Variants in SYNPO2 observed in about 807,000 individuals in gnomAD.
SYNPO2 encodes synaptopodin 2.
A neutral mutation model predicts 85.0 loss-of-function variants in SYNPO2; 56 were observed. The observed-to-expected ratio is 0.66, with a 90% confidence interval of 0.53 to 0.82. The LOEUF (loss-of-function observed/expected upper bound fraction) is 0.82, where lower values mean the gene tolerates loss of function less well. Among genes scored for constraint, SYNPO2 ranks in the 40% least tolerant of loss-of-function variants. The pLI is 0.00. For missense variants in SYNPO2, 1,575 were observed against 1,534.2 expected (o/e 1.03, Z -0.44); for synonymous variants, 602 against 591.1 (o/e 1.02, Z -0.27).
intron 1 of SYNPO2, among the ~76,000 whole-genome samples, chr4:118,874,763 GA>G (rs768619504): frequency 6.6e-6 from 1 of 151,056 alleles, no homozygotes; most frequent in Non-Finnish European, 1.5e-5. Context: ...TTTAAAATGA[GA>G]AAAAAAACAA....
chr4:119,010,123 CAGTA>C (rs1361310626), intron 1 of SYNPO2, among the ~76,000 whole-genome samples: 1 of 152,194 alleles, frequency 6.6e-6, no homozygotes, highest in Non-Finnish European at 1.5e-5. Flanking sequence ...ATAGGTCATC[CAGTA>C]AGCATTGACT....
At chr4:118,975,628 A>T (rs1735695224) in intron 1 of SYNPO2, among the ~76,000 whole-genome samples, 1 of 152,170 alleles carries the variant, frequency 6.6e-6, no homozygotes, top group Non-Finnish European at 1.5e-5. Context: ...CACACAATTT[A>T]TTAAGGGCAC....
rs866225563 is a variant in SYNPO2 at position 119,017,382 on chromosome 4, T to C, written c.106-6048T>C. Reference sequence around the variant, plus strand: ...TGGTATTAGTTGAAGAATACAGACCTACCTAAGGCTTTGGTTTAAGATCCA... The same window carrying C: ...TGGTATTAGTTGAAGAATACAGACCCACCTAAGGCTTTGGTTTAAGATCCA... On this transcript the variant is annotated intron_variant, in intron 1 of 4. Coordinates refer to ENST00000307142, the MANE Select transcript of SYNPO2 (RefSeq NM_133477.3). 7.2e-5 allele frequency among the ~76,000 whole-genome samples: 11 copies of C among 152,316 alleles called. No individual in the cohort carries two copies. In the Middle Eastern group the frequency reaches 0.014, roughly 188 times the overall value.
In SYNPO2 at chr4:118,889,114, G is replaced by A. The variant is rs1225049274; in HGVS notation, c.78G>A (p.Glu26=). 1.2e-6 allele frequency: 2 copies of A among 1,614,062 alleles called. No individual in the cohort carries two copies. The highest frequency in any genetic ancestry group is 1.6e-4 in the Middle Eastern group (1 of 6,084). ...GGTTCAGATTGCAAGGTGGCAAGGA[G>A]CAGAAGCAGCCCTTACAAGTTGCAA... is the stretch of plus-strand genomic sequence containing the variant. ...PWGFRLQGGK[E]QKQPLQVAKI... The change falls in exon 1 of 5, where the codon GAG becomes GAA. Residue 26 remains glutamate (E), a synonymous_variant. Coordinates refer to ENST00000307142, the MANE Select transcript of SYNPO2 (RefSeq NM_133477.3).
chr4:118,890,729 CTCTCTGTGTG>C (rs1431479225), intron 1 of SYNPO2, among the ~76,000 whole-genome samples: 21 of 137,178 alleles, frequency 1.5e-4, no homozygotes, highest in African/African-American at 4.3e-4. Context: ...CTCTCTCTCT[CTCTCTGTGTG>C]TGTGTGTGTG....
At chr4:119,005,522 A>G (rs2149175415) in intron 1 of SYNPO2, among the ~76,000 whole-genome samples, 1 of 120,440 alleles carries the variant, frequency 8.3e-6, no homozygotes, top group African/African-American at 2.7e-5. Flanking sequence ...AGGTTTGTCA[A>G]AGATCAGATA....
At chr4:119,023,654 T>C in intron 2 of SYNPO2, 73 bp downstream of exon 2, 1 of 1,438,004 alleles carries the variant, frequency 7.0e-7, no homozygotes, top group Non-Finnish European at 9.3e-7. Context: ...TTACTACATA[T>C]ATAACTTGTC....
chr4:119,009,355 C>T (rs1245617108), intron 1 of SYNPO2, among the ~76,000 whole-genome samples: 1 of 152,060 alleles, frequency 6.6e-6, no homozygotes. Context: ...CAATAAGAAG[C>T]ATATAGTTTA....
At chr4:118,876,728 T>TCTGC (rs1731933544) in intron 1 of SYNPO2, among the ~76,000 whole-genome samples, 1 of 119,226 alleles carries the variant, frequency 8.4e-6, no homozygotes, top group African/African-American at 3.1e-5. Flanking sequence ...TTTCTTTCTT[T>TCTGC]CTTTCTTTCT....
At position 119,031,338 on chromosome 4, in the gene SYNPO2, C is replaced by G. The variant is rs1738247404; in HGVS notation, c.2563C>G (p.Gln855Glu). Residue 855 changes from glutamine (Q) to glutamate (E), a missense_variant, in exon 4 of 5, where the codon CAG becomes GAG. Physicochemically the swap from Gln to Glu is conservative, Grantham distance 29. Transcript: ENST00000307142. The part of the protein sequence containing the change: ...TVSTPTVNAV[Q>E]PGAVGPSNEL... ...TTCCACACCAACAGTCAATGCTGTT[C>G]AGCCTGGTGCAGTGGGACCATCCAA... 4.8e-5 allele frequency: 77 copies of G among 1,614,168 alleles called. No individual in the cohort carries two copies. The highest frequency in any genetic ancestry group is 6.4e-5 in the Non-Finnish European group (76 of 1,180,044).
chr4:118,860,617 G>A (rs903482518), intron 1 of SYNPO2, among the ~76,000 whole-genome samples: 15 of 146,058 alleles, frequency 1.0e-4, no homozygotes, highest in African/African-American at 2.4e-4. Flanking sequence ...GTGCAGTGGC[G>A]TGATCTTGGC....
rs144957000 is a variant in SYNPO2, at chr4:119,017,677, A to G, written c.106-5753A>G. On this transcript the variant is annotated intron_variant, in intron 1 of 4. Coordinates refer to ENST00000307142, the MANE Select transcript of SYNPO2 (RefSeq NM_133477.3). ...AGAATAGCCCCACATGTGATAGGCA[A>G]ATGTATGCTAATTTTCTCTTTTTCA... Among the ~76,000 whole-genome samples, 255 of 152,294 alleles carry G rather than the reference A, an allele frequency of 1.7e-3. 3 individuals are homozygous for G. Among genetic ancestry groups the G allele is most frequent in the East Asian group, 6.4e-3 (33 of 5,186 alleles).
intron 1 of SYNPO2, among the ~76,000 whole-genome samples, chr4:118,898,388 A>C (rs767897470): frequency 1.3e-5 from 2 of 152,074 alleles, no homozygotes; most frequent in African/African-American, 2.4e-5. Flanking sequence ...CTGGTTTCAC[A>C]TTCCTTGAGT....
At chr4:119,046,498 C>A (rs1327934784) in intron 4 of SYNPO2, among the ~76,000 whole-genome samples, 1 of 152,178 alleles carries the variant, frequency 6.6e-6, no homozygotes, top group Non-Finnish European at 1.5e-5. Context: ...GGCAAGTCTC[C>A]CTCCTATTTT....
chr4:119,012,219 A>G lies in SYNPO2; in HGVS notation c.106-11211A>G, dbSNP rs535242384. 3.3e-5 allele frequency among the ~76,000 whole-genome samples: 5 copies of G among 152,106 alleles called. No homozygotes were observed. In the South Asian group the frequency reaches 1.0e-3, roughly 32 times the overall value. On this transcript the variant is annotated intron_variant, in intron 1 of 4. Transcript: ENST00000307142. ...ATTATAGGCATGAACCACTGTGCCC[A>G]GCCACCTCTCTATAGACTGAATCTA...
chr4:118,948,766 T>G (rs1734589429), intron 1 of SYNPO2, among the ~76,000 whole-genome samples: 1 of 152,206 alleles, frequency 6.6e-6, no homozygotes, highest in South Asian at 2.1e-4. Context: ...AAGACATTCA[T>G]GAGTGATTCG....
At chr4:118,970,640 A>T (rs1168434358) in intron 1 of SYNPO2, among the ~76,000 whole-genome samples, 2 of 152,214 alleles carry the variant, frequency 1.3e-5, no homozygotes, top group Non-Finnish European at 2.9e-5. Flanking sequence ...TTTCATTATT[A>T]TAAAGGGACT....
intron 1 of SYNPO2, among the ~76,000 whole-genome samples, chr4:118,901,525 G>A (rs575036613): frequency 1.3e-5 from 2 of 152,326 alleles, no homozygotes; most frequent in African/African-American, 4.8e-5. Context: ...GAGCACAGGC[G>A]AAGAGTCAGC....
chr4:119,031,473 G>T lies in SYNPO2; in HGVS notation c.2698G>T (p.Ala900Ser), dbSNP rs2149191445. Residue 900 changes from alanine (A) to serine (S), a missense_variant, in exon 4 of 5, where the codon GCT becomes TCT. Physicochemically the swap from Ala to Ser is moderately conservative, Grantham distance 99. Around this residue, in one of 3 missense-constraint regions of SYNPO2, gnomAD observed 1,508 missense variants for 1,446.8 expected, o/e 1.04. Transcript: ENST00000307142. The part of the protein sequence containing the change: ...SDTVQAHAAR[A>S]QSPTPSLPAS... Reference sequence around the variant, plus strand: ...CACGGTGCAGGCCCACGCTGCTCGAGCTCAGTCTCCCACTCCATCTCTCCC... The same window carrying T: ...CACGGTGCAGGCCCACGCTGCTCGATCTCAGTCTCCCACTCCATCTCTCCC... 1 of 1,614,116 alleles carries T rather than the reference G, an allele frequency of 6.2e-7. No individual in the cohort carries two copies. The highest frequency in any genetic ancestry group is 1.7e-5 in the Admixed American group (1 of 60,010).
Sources: gnomAD v4.1 joint callset for allele counts (sites outside exome capture counted in the v4.1 genomes callset) on GRCh38, gnomAD v4.1.1 for gene constraint, gnomAD v4.1.1 regional missense constraint, MANE v1.5 for transcripts, NCBI Gene and HGNC (gene_info 2026-07-23, HGNC 2026-07-21) for gene names.